ALPK3: variants seen among roughly 807,000 people sequenced by gnomAD.
ALPK3 encodes the protein alpha-protein kinase 3.
In ALPK3, 102 loss-of-function variants were observed where a neutral mutation model predicts 140.0. The ratio of observed to expected loss-of-function variants is 0.73; its 90% confidence interval spans 0.62 to 0.86. The LOEUF (loss-of-function observed/expected upper bound fraction) is 0.86, where lower values mean the gene tolerates loss of function less well. ALPK3 is among the 40% of genes least tolerant of loss of function. The pLI, the probability that ALPK3 is intolerant of heterozygous loss-of-function variation, is 0.00. For synonymous variants in ALPK3, 938 were observed against 898.5 expected (o/e 1.04, Z -0.79); for missense variants, 2,254 against 2,208.2 (o/e 1.02, Z -0.42).
At chr15:84,838,316 G>T (rs896807524) in intron 3 of ALPK3, among the ~76,000 whole-genome samples, 2 of 152,154 alleles carry the variant, frequency 1.3e-5, no homozygotes, top group Non-Finnish European at 2.9e-5. Flanking sequence ...TACTGCAGTT[G>T]AGGAAGTAGA....
At chr15:84,842,323 C>T (rs961025974) in intron 5 of ALPK3, among the ~76,000 whole-genome samples, 5 of 152,254 alleles carry the variant, frequency 3.3e-5, no homozygotes, top group African/African-American at 9.6e-5. Flanking sequence ...CGTGAGCCGC[C>T]GTGCCCAGCC....
chr15:84,873,136 C>G lies in ALPK3; in HGVS notation c.*4680C>G, dbSNP rs1964094253. 2 of 152,146 alleles carry G rather than the reference C, an allele frequency of 1.3e-5. No homozygotes were observed. 9.4% of individuals were successfully genotyped at this position (152,146 alleles called of 1,614,324 possible). A position where few individuals can be genotyped will look rare whatever the true frequency, so the allele number is the denominator to read the frequency against. ...CACAGCAGCTCTTTCAAGCAGCCTC[C>G]CAGGCCTAGAGAGGAAAATCAGCAG... On this transcript the variant is annotated 3_prime_UTR_variant, in exon 14 of 14. Transcript: ENST00000258888.
chr15:84,867,433 T>C, intron 13 of ALPK3, 68 bp downstream of exon 13: 1 of 1,577,898 alleles, frequency 6.3e-7, no homozygotes, highest in Non-Finnish European at 8.7e-7. Context: ...CCTAAGCCCT[T>C]CTGGTTCTCC....
At chr15:84,842,857 G>A (rs569618366) in intron 5 of ALPK3, among the ~76,000 whole-genome samples, 1 of 152,264 alleles carries the variant, frequency 6.6e-6, no homozygotes, top group East Asian at 1.9e-4. Context: ...ACAGTGGCCC[G>A]GGGAAGGCTT....
At chr15:84,847,079 G>A (rs1963738755) in intron 5 of ALPK3, among the ~76,000 whole-genome samples, 1 of 152,094 alleles carries the variant, frequency 6.6e-6, no homozygotes, top group African/African-American at 2.4e-5. Flanking sequence ...CTTACTGGTT[G>A]AGCCCAACAA....
intron 5 of ALPK3, among the ~76,000 whole-genome samples, chr15:84,845,768 A>G (rs1056388053): frequency 2.0e-5 from 3 of 152,220 alleles, no homozygotes; most frequent in African/African-American, 7.2e-5. Flanking sequence ...AGATCCAAAT[A>G]GCACTGCAGG....
rs926227899 is a variant in ALPK3, at chr15:84,859,103, C to CG, written c.3818-134dup. On this transcript the variant is annotated intron_variant, in intron 6 of 13. Transcript: ENST00000258888. ...AGCCTGAGATATAGGCAGGAGGCAC[C>CG]GGGGGGCTGTGAGTGGTAGGTCTGT... 82 of 1,177,310 alleles carry CG rather than the reference C, an allele frequency of 7.0e-5. 1 individual carries two copies. Among genetic ancestry groups the CG allele is most frequent in the Admixed American group, 2.0e-4 (8 of 39,058 alleles). The allele number at this position is 1,177,310 out of a possible 1,614,324, so 72.9% of individuals were successfully genotyped here. A position where few individuals can be genotyped will look rare whatever the true frequency, so the allele number is the denominator to read the frequency against.
At chr15:84,827,801 C>G (rs967344879) in intron 3 of ALPK3, among the ~76,000 whole-genome samples, 196 bp downstream of exon 3, 2 of 152,192 alleles carry the variant, frequency 1.3e-5, no homozygotes, top group African/African-American at 4.8e-5. Context: ...ATTCTGGAGC[C>G]ACATATATAC....
intron 5 of ALPK3, among the ~76,000 whole-genome samples, chr15:84,842,766 A>G (rs953144098): frequency 5.9e-5 from 9 of 152,220 alleles, no homozygotes; most frequent in African/African-American, 1.7e-4. Flanking sequence ...ACCTAAAACC[A>G]GACTTTCTGG....
Position 84,857,949 on chromosome 15 carries a change from G to A in ALPK3, c.3211G>A (p.Val1071Ile), listed in dbSNP as rs1441126978. 1.2e-6 allele frequency: 2 copies of A among 1,609,240 alleles called. No homozygotes were observed. Among genetic ancestry groups the A allele is most frequent in the East Asian group, 2.2e-5 (1 of 44,740 alleles). ...SWGPGPSSLTVPAIVVDEEDP... is the reference protein window; with the variant it reads ...SWGPGPSSLTIPAIVVDEEDP... ...GGGTCCTGGTCCCAGCTCCCTCACT[G>A]TCCCTGCCATTGTGGTAGACGAGGA... The change falls in exon 6 of 14, where the codon GTC becomes ATC. Residue 1071 changes from valine (V) to isoleucine (I), a missense_variant. Physicochemically the swap from Val to Ile is conservative, Grantham distance 29. Coordinates refer to ENST00000258888, the MANE Select transcript of ALPK3 (RefSeq NM_020778.5).
chr15:84,865,165 C>T (rs1047984882), intron 12 of ALPK3, among the ~76,000 whole-genome samples: 13 of 152,216 alleles, frequency 8.5e-5, no homozygotes, highest in African/African-American at 2.9e-4. Context: ...TATTCCTACG[C>T]CCCCCATTAC....
At chr15:84,862,220 T>TCCATTTCA (rs1963954524) in intron 9 of ALPK3, among the ~76,000 whole-genome samples, 2 of 152,156 alleles carry the variant, frequency 1.3e-5, no homozygotes, top group Non-Finnish European at 2.9e-5. Context: ...CAGTCAAACG[T>TCCATTTCA]GTTGGTTGAA....
chr15:84,857,962 T>G lies in ALPK3; in HGVS notation c.3224T>G (p.Val1075Gly), dbSNP rs1449822010. ...GPSSLTVPAI[V>G]VDEEDPGLAS... is the part of the protein sequence containing the mutation. Reference sequence around the variant, plus strand: ...AGCTCCCTCACTGTCCCTGCCATTGTGGTAGACGAGGAGGACCCTGGGCTG... The same window carrying G: ...AGCTCCCTCACTGTCCCTGCCATTGGGGTAGACGAGGAGGACCCTGGGCTG... Residue 1075 changes from valine to glycine, a missense_variant, in exon 6 of 14, where the codon GTG becomes GGG. Physicochemically the swap from Val to Gly is moderately radical, Grantham distance 109. Around this residue, in one of 3 missense-constraint regions of ALPK3, gnomAD observed 2,088 missense variants for 2,022.9 expected, o/e 1.03. Coordinates refer to ENST00000258888, the MANE Select transcript of ALPK3 (RefSeq NM_020778.5). 2 of 1,608,618 alleles carry G rather than the reference T, an allele frequency of 1.2e-6. No homozygotes were observed. The highest frequency in any genetic ancestry group is 1.7e-6 in the Non-Finnish European group (2 of 1,177,960).
chr15:84,835,692 G>A (rs990925153), intron 3 of ALPK3, among the ~76,000 whole-genome samples: 1 of 152,146 alleles, frequency 6.6e-6, no homozygotes, highest in Non-Finnish European at 1.5e-5. Flanking sequence ...GAGGGGAAGC[G>A]GGAGATCAGA....
At chr15:84,855,088 G>T (rs763488077) in intron 5 of ALPK3, among the ~76,000 whole-genome samples, 5 of 152,176 alleles carry the variant, frequency 3.3e-5, no homozygotes, top group Non-Finnish European at 5.9e-5. Context: ...GAGTGTAGCT[G>T]CCAGCGTTTT....
In ALPK3 at chr15:84,840,439, G is replaced by A; in HGVS notation, c.1160G>A (p.Arg387Lys). Reference sequence around the variant, plus strand: ...GGGTCCTCTGGCACAGATAGTACCAGGAAGCCAGCCTCTGCTGTGGGCACT... The same window carrying A: ...GGGTCCTCTGGCACAGATAGTACCAAGAAGCCAGCCTCTGCTGTGGGCACT... The part of the protein sequence containing the change: ...GPGSSGTDST[R>K]KPASAVGTPD... The change falls in exon 5 of 14, where the codon AGG becomes AAG. Residue 387 changes from arginine (R) to lysine (K), a missense_variant. Physicochemically the swap from Arg to Lys is conservative, Grantham distance 26. This residue lies in a region of ALPK3 where 2,088 missense variants were observed against 2,022.9 expected (regional missense o/e 1.03). Coordinates refer to ENST00000258888, the MANE Select transcript of ALPK3 (RefSeq NM_020778.5). 6.2e-7 allele frequency: 1 copy of A among 1,613,794 alleles called. No homozygotes were observed. The highest frequency in any genetic ancestry group is 8.5e-7 in the Non-Finnish European group (1 of 1,179,884).
chr15:84,821,305 G>C (rs996201070), intron 1 of ALPK3, among the ~76,000 whole-genome samples: 7 of 152,206 alleles, frequency 4.6e-5, no homozygotes, highest in East Asian at 1.9e-4. Context: ...AGGAGCAGCA[G>C]AGCTGGGGGA....
intron 1 of ALPK3, among the ~76,000 whole-genome samples, chr15:84,818,192 A>G (rs1963384499): frequency 6.6e-6 from 1 of 152,166 alleles, no homozygotes; most frequent in Admixed American, 6.5e-5. Context: ...GTTGGGAATT[A>G]AGGACTTGCA....
intron 1 of ALPK3, among the ~76,000 whole-genome samples, chr15:84,820,477 T>C (rs11854291): frequency 0.56 from 84,687 of 151,854 alleles, 24,782 homozygotes; most frequent in East Asian, 0.79. Flanking sequence ...ATGTATTTAT[T>C]ATTTTAGTGT....
Sources: gnomAD v4.1 joint callset for allele counts (sites outside exome capture counted in the v4.1 genomes callset) on GRCh38, gnomAD v4.1.1 for gene constraint, gnomAD v4.1.1 regional missense constraint, MANE v1.5 for transcripts, NCBI Gene and HGNC (gene_info 2026-07-23, HGNC 2026-07-21) for gene names.